TUBA3D: variants seen among roughly 807,000 people sequenced by gnomAD.
The protein encoded by TUBA3D is tubulin alpha 3d, also known as tubulin alpha-3D chain.
TUBA3D carries 24 observed loss-of-function variants against 36.1 expected under a neutral mutation model. The observed-to-expected ratio is 0.66, with a 90% CI of 0.48 to 0.93. The LOEUF (loss-of-function observed/expected upper bound fraction) is 0.93, where lower values mean the gene tolerates loss of function less well. TUBA3D is among the 40% of genes least tolerant of loss of function. The probability of loss-of-function intolerance (pLI) is 0.00; values close to 1 mark genes in which losing one functional copy is unlikely to be tolerated. For missense variants in TUBA3D, 356 were observed against 614.5 expected (o/e 0.58, Z 4.45); for synonymous variants, 185 against 247.2 (o/e 0.75, Z 2.36).
At chr2:131,477,576 C>G (rs1437728408) in intron 1 of TUBA3D, among the ~76,000 whole-genome samples, 1 of 150,784 alleles carries the variant, frequency 6.6e-6, no homozygotes, top group Non-Finnish European at 1.5e-5. Context: ...TCCAGCCCCC[C>G]AGTATCCCAC....
rs1441700699 is a variant in TUBA3D, at chr2:131,482,589, G to A, written c.1094G>A (p.Gly365Glu). The change falls in exon 5 of 5, where the codon GGG (glycine) becomes GAG (glutamate). Residue 365 changes from glycine to glutamate, a missense_variant. Physicochemically the swap from Gly to Glu is moderately conservative, Grantham distance 98. Coordinates refer to ENST00000321253, the MANE Select transcript of TUBA3D (RefSeq NM_080386.4). ...TACCAGCCCCCCACAGTGGTCCCCGGGGGAGACCTGGCCAAGGTGCAGCGG... is the reference window on the plus strand; with the variant it reads ...TACCAGCCCCCCACAGTGGTCCCCGAGGGAGACCTGGCCAAGGTGCAGCGG... ...INYQPPTVVP[G>E]GDLAKVQRAV... 6.2e-7 allele frequency: 1 copy of A among 1,613,170 alleles called. No individual in the cohort carries two copies. The highest frequency in any genetic ancestry group is 8.5e-7 in the Non-Finnish European group (1 of 1,179,452).
chr2:131,476,856 G>C (rs571441485), intron 1 of TUBA3D, among the ~76,000 whole-genome samples: 1 of 149,972 alleles, frequency 6.7e-6, no homozygotes, highest in African/African-American at 2.5e-5. Context: ...GATCAGCCGA[G>C]CCTGGAACTT....
In TUBA3D at chr2:131,480,661, T is replaced by A; in HGVS notation, c.968T>A (p.Val323Glu). The A allele has an allele frequency of 6.2e-7, 1 of 1,613,814 alleles. No individual in the cohort carries two copies. The highest frequency in any genetic ancestry group is 8.5e-7 in the Non-Finnish European group (1 of 1,180,036). The change falls in exon 4 of 5, where the codon GTG becomes GAG. Residue 323 changes from valine (V) to glutamate (E), a missense_variant. Transcript: ENST00000321253. The part of the protein sequence containing the change: ...MACCMLYRGD[V>E]VPKDVNAAIA... ...TGCTGCATGTTGTACAGGGGGGACG[T>A]GGTCCCCAAAGACGTCAACGCGGCC...
In TUBA3D at chr2:131,478,386, G is replaced by T; in HGVS notation, c.226G>T (p.Asp76Tyr). ...VFVDLEPTVVDEVRTGTYRQL... is the reference protein window; with the variant it reads ...VFVDLEPTVVYEVRTGTYRQL... The stretch of plus-strand genomic sequence containing the variant: ...TGTGGACCTGGAGCCCACTGTGGTC[G>T]GTAGGTGCCTGGGCACTGGATGGCA... The change falls in exon 2 of 5, where the codon GAT (aspartate) becomes TAT (tyrosine). Residue 76 changes from aspartate (D) to tyrosine (Y), a missense_variant and splice_region_variant. Transcript: ENST00000321253. The T allele has an allele frequency of 6.2e-7, 1 of 1,610,754 alleles. No homozygotes were observed.
At chr2:131,476,342 C>T in intron 1 of TUBA3D, 140 bp downstream of exon 1, 1 of 1,443,794 alleles carries the variant, frequency 6.9e-7, no homozygotes, top group Non-Finnish European at 9.3e-7. Flanking sequence ...GACAGGAGGA[C>T]ACGGGATCGT....
chr2:131,480,957 G>A (rs1394272366), intron 4 of TUBA3D, among the ~76,000 whole-genome samples: 1 of 151,510 alleles, frequency 6.6e-6, no homozygotes, highest in African/African-American at 2.4e-5. Flanking sequence ...AGGCTGGAGT[G>A]CAGTGGTGCG....
chr2:131,478,041 A>G, intron 1 of TUBA3D, 123 bp from the exon 2 acceptor site: 1 of 1,343,492 alleles, frequency 7.4e-7, no homozygotes, highest in Non-Finnish European at 1.0e-6. Context: ...CCTAGGAAAT[A>G]TCGATTGTGA....
In TUBA3D at chr2:131,479,307, G is replaced by T. The variant is rs765512160; in HGVS notation, c.227-1G>T. 1.3e-5 allele frequency: 21 copies of T among 1,613,686 alleles called. No individual in the cohort carries two copies. The South Asian group carries it at 2.2e-4, about 17-fold the overall frequency. ...CACAGCACACACTGTCTCTTTTGCAGATGAAGTGCGCACAGGGACCTACAG... is the reference window on the plus strand; with the variant it reads ...CACAGCACACACTGTCTCTTTTGCATATGAAGTGCGCACAGGGACCTACAG... On this transcript the variant is annotated splice_acceptor_variant, in intron 2 of 4. Transcript: ENST00000321253. LOFTEE classifies it high-confidence loss of function.
rs369744409 is a variant in TUBA3D at position 131,480,561 on chromosome 2, G to A, written c.868G>A (p.Glu290Lys). Residue 290 changes from glutamate (E) to lysine (K), a missense_variant, in exon 4 of 5, where the codon GAG (glutamate) becomes AAG (lysine). Coordinates refer to ENST00000321253, the MANE Select transcript of TUBA3D (RefSeq NM_080386.4). ...KAYHEQLSVA[E>K]ITNACFEPAN... The stretch of plus-strand genomic sequence containing the variant: ...CTACCACGAGCAGCTGTCTGTGGCC[G>A]AGATCACCAATGCCTGCTTCGAGCC... 5.6e-6 allele frequency: 9 copies of A among 1,610,524 alleles called. No homozygotes were observed. Among genetic ancestry groups the A allele is most frequent in the South Asian group, 3.3e-5 (3 of 90,992 alleles).
Position 131,482,924 on chromosome 2 carries a change from T to TA in TUBA3D, c.*77dup. ...AAGTTGTTTGCAATTAAAGGTTCTG[T>TA]ATAAAACCAAGCCCTCTGTGTGTCG... On this transcript the variant is annotated 3_prime_UTR_variant, in exon 5 of 5. Transcript: ENST00000321253. The TA allele has an allele frequency of 6.4e-7, 1 of 1,558,688 alleles. No homozygotes were observed.
chr2:131,477,498 G>A (rs1678713376), intron 1 of TUBA3D, among the ~76,000 whole-genome samples: 1 of 152,028 alleles, frequency 6.6e-6, no homozygotes, highest in Non-Finnish European at 1.5e-5. Context: ...GGCCTTGAGA[G>A]GGATTCAGGT....
intron 4 of TUBA3D, among the ~76,000 whole-genome samples, chr2:131,481,681 C>T (rs1232719816): frequency 2.6e-5 from 4 of 152,034 alleles, no homozygotes; most frequent in Non-Finnish European, 2.9e-5. Flanking sequence ...GTGATCCACC[C>T]GCCTTAGCCT....
At chr2:131,481,069 A>C (rs986067853) in intron 4 of TUBA3D, among the ~76,000 whole-genome samples, 5 of 151,740 alleles carry the variant, frequency 3.3e-5, no homozygotes, top group African/African-American at 1.2e-4. Context: ...ACGCCCGGCT[A>C]ATTTTTGTAT....
intron 3 of TUBA3D, 134 bp from the exon 4 acceptor site, chr2:131,479,935 T>C (rs879461096): frequency 9.0e-6 from 12 of 1,331,144 alleles, no homozygotes; most frequent in Non-Finnish European, 1.2e-5. Flanking sequence ...TGCTTCAAAG[T>C]GTACTGCATG....
At chr2:131,479,754 T>C (rs113320774) in intron 3 of TUBA3D, among the ~76,000 whole-genome samples, 8,984 of 152,126 alleles carry the variant, frequency 0.059, 314 homozygotes, top group Non-Finnish European at 0.085. Context: ...GCAGGAGAAT[T>C]GCTTGAACCC....
At chr2:131,476,542 C>T (rs1678678033) in intron 1 of TUBA3D, among the ~76,000 whole-genome samples, 1 of 152,210 alleles carries the variant, frequency 6.6e-6, no homozygotes. Context: ...AACTGAGGAG[C>T]CCCAGGAGCC....
intron 3 of TUBA3D, 135 bp from the exon 4 acceptor site, chr2:131,479,933 AG>A (rs1678796326): frequency 7.5e-7 from 1 of 1,325,348 alleles, no homozygotes. Flanking sequence ...TTTGCTTCAA[AG>A]TGTACTGCAT....
chr2:131,478,284 A>G lies in TUBA3D; in HGVS notation c.124A>G (p.Ile42Val). Residue 42 changes from isoleucine to valine, a missense_variant, in exon 2 of 5, where the codon ATT becomes GTT. Ile to Val is a conservative substitution (Grantham distance 29). Transcript: ENST00000321253. ...TGGCCAAATGCCAAGTGATAAAACC[A>G]TTGGTGGCGGGGACGACTCCTTCAA... ...PDGQMPSDKT[I>V]GGGDDSFNTF... 2.5e-6 allele frequency: 4 copies of G among 1,614,044 alleles called. No homozygotes were observed. In the Admixed American group the frequency reaches 6.7e-5, roughly 27 times the overall value.
chr2:131,478,256 C>T lies in TUBA3D; in HGVS notation c.96C>T (p.Pro32=), dbSNP rs905314694. The T allele has an allele frequency of 5.6e-6, 9 of 1,613,900 alleles. No homozygotes were observed. Among genetic ancestry groups the T allele is most frequent in the Admixed American group, 3.3e-5 (2 of 60,002 alleles). The part of the protein sequence containing the change: ...ELYCLEHGIQ[P]DGQMPSDKTI... ...ACTGCCTTGAACATGGAATTCAGCC[C>T]GATGGCCAAATGCCAAGTGATAAAA... Residue 32 remains proline, a synonymous_variant, in exon 2 of 5, where the codon CCC becomes CCT. Coordinates refer to ENST00000321253, the MANE Select transcript of TUBA3D (RefSeq NM_080386.4).
Sources: allele counts gnomAD v4.1 joint callset (sites outside exome capture counted in the v4.1 genomes callset), GRCh38; gene constraint gnomAD v4.1.1; transcripts MANE v1.5; gene names NCBI Gene and HGNC (gene_info 2026-07-23, HGNC 2026-07-21).